Variants in WFS1 observed in about 807,000 individuals in gnomAD.
WFS1 encodes wolframin.
Under a neutral mutation model 68.5 loss-of-function variants are expected in WFS1, and 90 were observed. That is an observed-to-expected ratio of 1.31 (90% CI 1.11 to 1.56). The LOEUF is 1.56. Ranked by LOEUF, WFS1 falls within the 40% of genes most tolerant of loss-of-function variation. The probability of loss-of-function intolerance (pLI) is 0.00; values close to 1 mark genes in which losing one functional copy is unlikely to be tolerated. For synonymous variants in WFS1, 860 were observed against 540.7 expected (o/e 1.59, Z -8.19); for missense variants, 1,767 against 1,232.6 (o/e 1.43, Z -6.49).
intron 2 of WFS1, among the ~76,000 whole-genome samples, chr4:6,285,756 C>T (rs1390691611): frequency 6.6e-6 from 1 of 152,196 alleles, no homozygotes. Context: ...GGTTCAGAGC[C>T]TGGCACGGTA....
intron 3 of WFS1, among the ~76,000 whole-genome samples, chr4:6,288,279 C>G (rs1478577637): frequency 1.3e-5 from 2 of 152,082 alleles, no homozygotes; most frequent in East Asian, 3.9e-4. Flanking sequence ...TAAAGTTCCT[C>G]CCACATCCTT....
chr4:6,285,159 G>GTCCAGGGAGAGTTCCA (rs1730276740), intron 2 of WFS1, among the ~76,000 whole-genome samples: 1 of 58,012 alleles, frequency 1.7e-5, no homozygotes, highest in African/African-American at 8.3e-5. Flanking sequence ...CAAGAGTTGC[G>GTCCAGGGAGAGTTCCA]TCCAGGGAGA....
chr4:6,293,533 C>G (rs1730529061), intron 6 of WFS1, among the ~76,000 whole-genome samples: 1 of 152,168 alleles, frequency 6.6e-6, no homozygotes, highest in Non-Finnish European at 1.5e-5. Context: ...CAGTGACCCC[C>G]CTTGCTCAGT....
chr4:6,290,911 C>T (rs909569369), intron 4 of WFS1, among the ~76,000 whole-genome samples: 1 of 152,178 alleles, frequency 6.6e-6, no homozygotes, highest in Non-Finnish European at 1.5e-5. Context: ...CGGGTCTGCA[C>T]CTCTGAGAGA....
chr4:6,276,670 T>A (rs1730003865), intron 1 of WFS1, among the ~76,000 whole-genome samples: 1 of 152,208 alleles, frequency 6.6e-6, no homozygotes, highest in African/African-American at 2.4e-5. Flanking sequence ...TTAACTTTAC[T>A]CAGTACCAGC....
rs1730343009 is a variant in WFS1, at chr4:6,287,298, G to A, written c.315+123G>A. The A allele has an allele frequency of 2.3e-6, 2 of 881,312 alleles. No individual in the cohort carries two copies. Among genetic ancestry groups the A allele is most frequent in the East Asian group, 2.7e-5 (1 of 37,600 alleles). The allele number at this position is 881,312 out of a possible 1,614,324, so 54.6% of individuals were successfully genotyped here. ...GAGATCGGGGTCAGGAGCCAGCGTG[G>A]TGCACCCTACCCCACTTGAGCCCCA... On this transcript the variant is annotated intron_variant, in intron 3 of 7. Coordinates refer to ENST00000226760, the MANE Select transcript of WFS1 (RefSeq NM_006005.3). The surrounding 1 kb of genome is among the most constrained non-coding windows in gnomAD (Gnocchi z 6.4).
At chr4:6,294,388 G>A (rs1189565335) in intron 6 of WFS1, among the ~76,000 whole-genome samples, 3 of 152,148 alleles carry the variant, frequency 2.0e-5, no homozygotes, top group Non-Finnish European at 4.4e-5. Context: ...TGGATGGAGG[G>A]GTAAGTCGGC....
rs928513874 is a variant in WFS1 at position 6,302,466 on chromosome 4, T to G, written c.2671T>G (p.Ter891GlyextTer14). Reference sequence around the variant, plus strand: ...TTTCTTCCCATTCCTGTCGGCGGCCTGAGGATGGTCCGCCACGAGGAGCTT... The same window carrying G: ...TTTCTTCCCATTCCTGTCGGCGGCCGGAGGATGGTCCGCCACGAGGAGCTT... ...FFFFPFLSAA[*>G] The change falls in exon 8 of 8, where the codon TGA becomes GGA. Residue 891 changes from the stop codon to glycine, a stop_lost. Coordinates refer to ENST00000226760, the MANE Select transcript of WFS1 (RefSeq NM_006005.3). 1.2e-6 allele frequency: 2 copies of G among 1,612,544 alleles called. No homozygotes were observed. Among genetic ancestry groups the G allele is most frequent in the African/African-American group, 1.3e-5 (1 of 74,958 alleles).
chr4:6,279,264 C>G (rs1730085619), intron 2 of WFS1, among the ~76,000 whole-genome samples: 1 of 152,236 alleles, frequency 6.6e-6, no homozygotes, highest in South Asian at 2.1e-4. Flanking sequence ...AGTTGAAATA[C>G]CAATAGGTAA....
chr4:6,302,150 C>T lies in WFS1; in HGVS notation c.2355C>T (p.Ser785=), dbSNP rs201731358. The T allele has an allele frequency of 2.2e-5, 36 of 1,612,966 alleles. No homozygotes were observed. Among genetic ancestry groups the T allele is most frequent in the Middle Eastern group, 1.6e-4 (1 of 6,062 alleles). ...FEITVGMPFS[S]GADGSRSREE... is the part of the protein sequence containing the mutation. ...TTACCGTGGGCATGCCATTCAGCAG[C>T]GGCGCTGACGGCTCGCGCAGCCGCG... Residue 785 remains serine (S), a synonymous_variant, in exon 8 of 8, where the codon AGC becomes AGT. Coordinates refer to ENST00000226760, the MANE Select transcript of WFS1 (RefSeq NM_006005.3).
At chr4:6,300,431 A>AG (rs915442109) in intron 7 of WFS1, among the ~76,000 whole-genome samples, 1 of 149,800 alleles carries the variant, frequency 6.7e-6, no homozygotes, top group Non-Finnish European at 1.5e-5. Flanking sequence ...CACGGGGCAG[A>AG]GGGGGGCTCC....
At chr4:6,273,969 T>C (rs1286451557) in intron 1 of WFS1, among the ~76,000 whole-genome samples, 1 of 152,254 alleles carries the variant, frequency 6.6e-6, no homozygotes, top group Non-Finnish European at 1.5e-5. Context: ...CTGAAATTCC[T>C]TTTATGAAGT....
Position 6,278,344 on chromosome 4 carries a change from C to T in WFS1, c.232+657C>T, listed in dbSNP as rs1334173316. On this transcript the variant is annotated intron_variant, in intron 2 of 7. Coordinates refer to ENST00000226760, the MANE Select transcript of WFS1 (RefSeq NM_006005.3). ...GTGGTGGGTGTGAGCCAGGGGAGTCCGGCCCCTGGGCACCTTCTCCAGCTG... is the reference window on the plus strand; with the variant it reads ...GTGGTGGGTGTGAGCCAGGGGAGTCTGGCCCCTGGGCACCTTCTCCAGCTG... Among the ~76,000 whole-genome samples, 3 of 152,142 alleles carry T rather than the reference C, an allele frequency of 2.0e-5. No homozygotes were observed. The South Asian group carries it at 6.2e-4, about 31-fold the overall frequency.
At chr4:6,289,687 T>C (rs1170547262) in intron 4 of WFS1, among the ~76,000 whole-genome samples, 1 of 152,226 alleles carries the variant, frequency 6.6e-6, no homozygotes, top group Non-Finnish European at 1.5e-5. Context: ...TAGGACGTTG[T>C]CCTGCGCAAG....
chr4:6,287,159 C>G lies in WFS1; in HGVS notation c.299C>G (p.Pro100Arg). ...EVLERAKAGD[P>R]KAQTEVGKHY... ...CTGGAGAGGGCCAAGGCCGGGGACCCCAAGGCACAGACTGAGGTGAGGACT... is the reference window on the plus strand; with the variant it reads ...CTGGAGAGGGCCAAGGCCGGGGACCGCAAGGCACAGACTGAGGTGAGGACT... The change falls in exon 3 of 8, where the codon CCC (proline) becomes CGC (arginine). Residue 100 changes from proline (P) to arginine (R), a missense_variant. By Grantham distance (103) the Pro-to-Arg change is moderately radical. Transcript: ENST00000226760. This position sits in a 1 kb window ranked among gnomAD's most constrained non-coding sequence, Gnocchi z 6.4. 1.3e-6 allele frequency: 2 copies of G among 1,559,884 alleles called. No homozygotes were observed. The highest frequency in any genetic ancestry group is 1.7e-6 in the Non-Finnish European group (2 of 1,150,684).
intron 1 of WFS1, 53 bp from the exon 2 acceptor site, chr4:6,277,398 C>T (rs560253872): frequency 2.0e-6 from 3 of 1,508,078 alleles, no homozygotes; most frequent in African/African-American, 2.8e-5. Flanking sequence ...ACACTAAGTG[C>T]CAGAGCGGGC....
At chr4:6,282,814 T>C (rs1730205110) in intron 2 of WFS1, among the ~76,000 whole-genome samples, 1 of 152,106 alleles carries the variant, frequency 6.6e-6, no homozygotes, top group African/African-American at 2.4e-5. Context: ...AATCAGGGAG[T>C]TGAGCTTGGC....
chr4:6,274,575 CTG>C (rs1729936700), intron 1 of WFS1, among the ~76,000 whole-genome samples: 1 of 152,026 alleles, frequency 6.6e-6, no homozygotes, highest in African/African-American at 2.4e-5. Context: ...CGCCTGAGTG[CTG>C]TGTGTTTACC....
chr4:6,273,217 G>A lies in WFS1; in HGVS notation c.-6+3203G>A, dbSNP rs554076094. Among the ~76,000 whole-genome samples the A allele has an allele frequency of 1.5e-3, 224 of 152,380 alleles. 1 individual carries two copies. Among genetic ancestry groups the A allele is most frequent in the African/African-American group, 5.2e-3 (216 of 41,590 alleles). On this transcript the variant is annotated intron_variant, in intron 1 of 7. Coordinates refer to ENST00000226760, the MANE Select transcript of WFS1 (RefSeq NM_006005.3). ...CGTGTGGTCATTCTGCTGCGGGTCT[G>A]AGTGGATGCATGGTGCCTGCAGCCC...
Sources: gnomAD v4.1 joint callset for allele counts (sites outside exome capture counted in the v4.1 genomes callset) on GRCh38, gnomAD v4.1.1 for gene constraint, Gnocchi (gnomAD v3.1) non-coding constraint, MANE v1.5 for transcripts, NCBI Gene and HGNC (gene_info 2026-07-23, HGNC 2026-07-21) for gene names.